Variants in RBFOX1 observed in about 807,000 individuals in gnomAD.
RBFOX1 encodes the protein RNA binding protein fox-1 homolog 1.
A neutral mutation model predicts 57.7 loss-of-function variants in RBFOX1; 8 were observed. The ratio of observed to expected loss-of-function variants is 0.14; its 90% CI spans 0.08 to 0.25. RBFOX1 has a LOEUF of 0.25. Among genes scored for constraint, RBFOX1 ranks in the 10% least tolerant of loss-of-function variants. The pLI, the probability that RBFOX1 is intolerant of heterozygous loss-of-function variation, is 1.00. For missense variants in RBFOX1, 611 were observed against 548.5 expected (o/e 1.11, Z -1.14); for synonymous variants, 326 against 222.4 (o/e 1.47, Z -4.15).
intron 4 of RBFOX1, among the ~76,000 whole-genome samples, chr16:7,515,422 T>A (rs1374178276): frequency 6.6e-6 from 1 of 152,068 alleles, no homozygotes; most frequent in Middle Eastern, 3.2e-3. Flanking sequence ...TACTGTATTA[T>A]ATACTGGAAG....
intron 4 of RBFOX1, among the ~76,000 whole-genome samples, chr16:7,216,703 G>C (rs998331007): frequency 6.6e-6 from 1 of 152,014 alleles, no homozygotes; most frequent in Non-Finnish European, 1.5e-5. Context: ...GAGACAATGA[G>C]TGTAGCACAG....
chr16:6,620,873 T>G (rs918413373), intron 2 of RBFOX1, among the ~76,000 whole-genome samples: 6 of 152,210 alleles, frequency 3.9e-5, no homozygotes, highest in African/African-American at 1.2e-4. Context: ...AAATCCCTTG[T>G]ATTAGTTTGA....
intron 3 of RBFOX1, among the ~76,000 whole-genome samples, chr16:6,929,364 C>G (rs1256587552): frequency 6.6e-6 from 1 of 152,030 alleles, no homozygotes; most frequent in Non-Finnish European, 1.5e-5. Context: ...GGTTAGAATC[C>G]CGGTGCACGT....
intron 3 of RBFOX1, among the ~76,000 whole-genome samples, chr16:7,045,533 A>G (rs2047611919): frequency 6.6e-6 from 1 of 152,204 alleles, no homozygotes; most frequent in Non-Finnish European, 1.5e-5. Flanking sequence ...TTCACATGGC[A>G]CAAGTCAGAG....
chr16:6,390,205 A>G (rs943444794), intron 2 of RBFOX1, among the ~76,000 whole-genome samples: 1 of 152,198 alleles, frequency 6.6e-6, no homozygotes, highest in Non-Finnish European at 1.5e-5. Context: ...TGCACATGCA[A>G]TGGATGTATT....
At chr16:5,668,268 G>A (rs2049909976) in intron 3 of RBFOX1, among the ~76,000 whole-genome samples, 1 of 152,048 alleles carries the variant, frequency 6.6e-6, no homozygotes, top group African/African-American at 2.4e-5. Flanking sequence ...GCAACAGAGC[G>A]AGACTCCATC....
At chr16:7,410,379 G>A (rs1322676298) in intron 4 of RBFOX1, among the ~76,000 whole-genome samples, 2 of 152,220 alleles carry the variant, frequency 1.3e-5, no homozygotes, top group East Asian at 3.9e-4. Flanking sequence ...TTAAAACCCA[G>A]GACCTTAAGA....
At chr16:7,328,900 C>G (rs1339341954) in intron 4 of RBFOX1, 8 of 152,204 alleles carry the variant, frequency 5.3e-5, no homozygotes, top group Admixed American at 3.9e-4. Flanking sequence ...CCAACCTGGA[C>G]CATTGCCTGT....
chr16:5,968,399 T>C (rs2152296000), intron 4 of RBFOX1, among the ~76,000 whole-genome samples: 1 of 152,288 alleles, frequency 6.6e-6, no homozygotes, highest in South Asian at 2.1e-4. Flanking sequence ...TAGGGGACGA[T>C]CAATGAGGAT....
chr16:5,475,471 T>G (rs1227865530), intron 2 of RBFOX1, among the ~76,000 whole-genome samples: 2 of 152,242 alleles, frequency 1.3e-5, no homozygotes, highest in African/African-American at 4.8e-5. Context: ...ATTTTGCATT[T>G]TTCTGCACCT....
At chr16:5,824,315 C>A (rs1421032421) in intron 3 of RBFOX1, among the ~76,000 whole-genome samples, 1 of 152,174 alleles carries the variant, frequency 6.6e-6, no homozygotes, top group Non-Finnish European at 1.5e-5. Context: ...CTGCCTCCCT[C>A]TTTTTTGGTC....
intron 3 of RBFOX1, among the ~76,000 whole-genome samples, chr16:6,804,846 C>A (rs899603144): frequency 6.6e-6 from 1 of 152,070 alleles, no homozygotes; most frequent in Non-Finnish European, 1.5e-5. Context: ...GCAGTTATGT[C>A]CTCCATAGTC....
chr16:7,568,132 G>A (rs944805877), intron 5 of RBFOX1, among the ~76,000 whole-genome samples: 8 of 152,024 alleles, frequency 5.3e-5, no homozygotes, highest in African/African-American at 1.7e-4. Context: ...AAAAGAATTC[G>A]AGGTGAATCC....
intron 2 of RBFOX1, among the ~76,000 whole-genome samples, chr16:5,539,428 A>G (rs1305893745): frequency 1.3e-5 from 2 of 151,722 alleles, no homozygotes; most frequent in African/African-American, 2.4e-5. Context: ...CCCTGTCTCT[A>G]CTGAAAATAC....
At chr16:5,917,307 C>T (rs2058726525) in intron 4 of RBFOX1, among the ~76,000 whole-genome samples, 1 of 152,150 alleles carries the variant, frequency 6.6e-6, no homozygotes, top group African/African-American at 2.4e-5. Context: ...GGAGAATACT[C>T]AGTAAGTCCA....
chr16:7,340,335 T>G (rs1423213509), intron 4 of RBFOX1, among the ~76,000 whole-genome samples: 1 of 152,248 alleles, frequency 6.6e-6, no homozygotes, highest in Non-Finnish European at 1.5e-5. Flanking sequence ...CAGATCTTAA[T>G]TATCCTGATC....
chr16:7,692,453 AAAT>A (rs754863037), intron 14 of RBFOX1, among the ~76,000 whole-genome samples: 2 of 152,176 alleles, frequency 1.3e-5, no homozygotes, highest in Non-Finnish European at 2.9e-5. Context: ...CTAAGAAGAA[AAAT>A]GCATTTATCT....
At chr16:7,695,770 G>GCTAT (rs1255831512) in intron 14 of RBFOX1, among the ~76,000 whole-genome samples, 2 of 151,858 alleles carry the variant, frequency 1.3e-5, no homozygotes, top group African/African-American at 4.8e-5. Flanking sequence ...ATTGAATCCT[G>GCTAT]CTATCTACTG....
chr16:7,657,933 C>G (rs2066735392), intron 12 of RBFOX1, among the ~76,000 whole-genome samples: 1 of 152,198 alleles, frequency 6.6e-6, no homozygotes, highest in African/African-American at 2.4e-5. Flanking sequence ...TAGGAAGACA[C>G]TGGATTTAAG....
Sources: allele counts gnomAD v4.1 joint callset (sites outside exome capture counted in the v4.1 genomes callset), GRCh38; gene constraint gnomAD v4.1.1; transcripts MANE v1.5; gene names NCBI Gene and HGNC (gene_info 2026-07-23, HGNC 2026-07-21).